HRG: variants seen among roughly 807,000 people sequenced by gnomAD.
HRG encodes histidine-rich glycoprotein.
Under a neutral mutation model 29.5 loss-of-function variants are expected in HRG, and 26 were observed. The ratio of observed to expected loss-of-function variants is 0.88; its 90% CI spans 0.65 to 1.22. The LOEUF (loss-of-function observed/expected upper bound fraction) is 1.22. Among genes scored for constraint, HRG ranks in the 50% most tolerant of loss-of-function variants. The pLI is 0.00. For missense variants in HRG, 671 were observed against 654.5 expected (o/e 1.03, Z -0.28); for synonymous variants, 243 against 240.4 (o/e 1.01, Z -0.10).
chr3:186,676,368 A>C (rs1164328733), intron 6 of HRG, among the ~76,000 whole-genome samples: 4 of 152,012 alleles, frequency 2.6e-5, no homozygotes, highest in African/African-American at 9.7e-5. Flanking sequence ...TGTAGTAAAA[A>C]TGAAAAAAAA....
Position 186,678,210 on chromosome 3 carries a change from C to A in HRG, c.*327C>A, listed in dbSNP as rs1307892492. 5 of 330,924 alleles carry A rather than the reference C, an allele frequency of 1.5e-5. No individual in the cohort carries two copies. The highest frequency in any genetic ancestry group is 2.1e-5 in the African/African-American group (1 of 47,078). The allele number at this position is 330,924 out of a possible 1,614,324, so 20.5% of individuals were successfully genotyped here. A position where few individuals can be genotyped will look rare whatever the true frequency, so the allele number is the denominator to read the frequency against. The stretch of plus-strand genomic sequence containing the variant: ...ACTGCTTGGGCTATACCTGGGCATA[C>A]TAATAAAGTATGGTATTGAAACTAT... On this transcript the variant is annotated 3_prime_UTR_variant, in exon 7 of 7. Transcript: ENST00000232003.
At chr3:186,667,216 C>G (rs570907283) in intron 1 of HRG, 6 of 152,166 alleles carry the variant, frequency 3.9e-5, no homozygotes, top group Non-Finnish European at 8.8e-5. Context: ...ATCTGAGGAC[C>G]TACTATCAAA....
At position 186,677,154 on chromosome 3, in the gene HRG, T is replaced by C. The variant is rs112861431; in HGVS notation, c.849T>C (p.Ser283=). 3.1e-3 allele frequency: 5,034 copies of C among 1,613,988 alleles called. 132 individuals are homozygous for C. In the African/African-American group the frequency reaches 0.059, roughly 19 times the overall value. ...TTKPPFKPHG[S]RDHHHPHKPH... is the part of the protein sequence containing the mutation. ...AGCCTCCATTCAAGCCCCATGGATC[T>C]AGAGATCATCATCATCCCCACAAGC... Residue 283 remains serine (S), a synonymous_variant, in exon 7 of 7, where the codon TCT becomes TCC. Coordinates refer to ENST00000232003, the MANE Select transcript of HRG (RefSeq NM_000412.5).
chr3:186,677,410 C>T lies in HRG; in HGVS notation c.1105C>T (p.His369Tyr). The T allele has an allele frequency of 1.2e-6, 2 of 1,608,724 alleles. No homozygotes were observed. Among genetic ancestry groups the T allele is most frequent in the Non-Finnish European group, 1.7e-6 (2 of 1,177,322 alleles). The change falls in exon 7 of 7, where the codon CAC (histidine) becomes TAC (tyrosine). Residue 369 changes from histidine to tyrosine, a missense_variant. His to Tyr is a moderately conservative substitution (Grantham distance 83). Coordinates refer to ENST00000232003, the MANE Select transcript of HRG (RefSeq NM_000412.5). ...TCCCCACGGACACCATCCCCATGCA[C>T]ACCATCCTCATGAACATGATACCCA... ...QHPHGHHPHA[H>Y]HPHEHDTHRQ...
intron 2 of HRG, 69 bp downstream of exon 2, chr3:186,669,120 C>T (rs773800390): frequency 8.9e-6 from 8 of 902,282 alleles, no homozygotes; most frequent in Non-Finnish European, 1.5e-5. Flanking sequence ...TTCACTCAGC[C>T]AATGCCTGGG....
intron 5 of HRG, 35 bp downstream of exon 5, chr3:186,672,902 A>C: frequency 7.5e-7 from 1 of 1,332,464 alleles, no homozygotes. Context: ...CGTTGACTAG[A>C]GTCACAGAGA....
In HRG at chr3:186,677,603, C is replaced by A; in HGVS notation, c.1298C>A (p.Pro433Gln). ...GGTCACTGTTGCCATGGCCACGGCC[C>A]ACCACCTGGGCACTTAAGAAGGCGA... ...NQGHCCHGHG[P>Q]PPGHLRRRGP... The change falls in exon 7 of 7, where the codon CCA becomes CAA. Residue 433 changes from proline to glutamine, a missense_variant. Transcript: ENST00000232003. 1 of 1,614,164 alleles carries A rather than the reference C, an allele frequency of 6.2e-7. No homozygotes were observed. The highest frequency in any genetic ancestry group is 1.1e-5 in the South Asian group (1 of 91,074).
At chr3:186,671,264 ATATAT>A (rs201145740) in intron 3 of HRG, among the ~76,000 whole-genome samples, 9,688 of 147,552 alleles carry the variant, frequency 0.066, 380 homozygotes, top group Middle Eastern at 0.12. Context: ...AAAACATATG[ATATAT>A]TATATAATAT....
At chr3:186,674,625 C>T (rs1009377673) in intron 5 of HRG, 4 of 245,596 alleles carry the variant, frequency 1.6e-5, no homozygotes, top group Non-Finnish European at 2.4e-5. Context: ...AGACACTTGC[C>T]TTGACAATGT....
Position 186,677,768 on chromosome 3 carries a change from C to T in HRG, c.1463C>T (p.Pro488Leu). ...TTCCCATTGCCGCACCACAAACATC[C>T]TCTAAAGCCAGACAATCAGCCCTTT... ...PSFPLPHHKH[P>L]LKPDNQPFPQ... Residue 488 changes from proline (P) to leucine (L), a missense_variant, in exon 7 of 7, where the codon CCT becomes CTT. Physicochemically the swap from Pro to Leu is moderately conservative, Grantham distance 98. Transcript: ENST00000232003. 6.2e-7 allele frequency: 1 copy of T among 1,613,704 alleles called. No individual in the cohort carries two copies. Among genetic ancestry groups the T allele is most frequent in the Non-Finnish European group, 8.5e-7 (1 of 1,179,614 alleles).
Position 186,675,151 on chromosome 3 carries a change from GA to G in HRG, c.707del (p.Asn236ThrfsTer4). 6.2e-7 allele frequency: 1 copy of G among 1,613,902 alleles called. No homozygotes were observed. The highest frequency in any genetic ancestry group is 8.5e-7 in the Non-Finnish European group (1 of 1,179,820). On this transcript the variant is annotated frameshift_variant, in exon 6 of 7. Coordinates refer to ENST00000232003, the MANE Select transcript of HRG (RefSeq NM_000412.5). LOFTEE classifies it low-confidence loss of function (END_TRUNC). Reference protein sequence around the residue: ...DVEALDLESPKNLVINCEVFD... With the variant: ...DVEALDLESPXNLVINCEVFD... ...TAGAAGCCTTGGACTTGGAAAGCCC[GA>G]AAAACCTTGTCATAAACTGTGAAGT...
chr3:186,667,986 G>T (rs1718665773), intron 1 of HRG, among the ~76,000 whole-genome samples: 1 of 152,176 alleles, frequency 6.6e-6, no homozygotes, highest in Non-Finnish European at 1.5e-5. Context: ...GCCAGACAAG[G>T]AGTACTACAG....
Position 186,671,679 on chromosome 3 carries a change from G to C in HRG, c.448G>C (p.Asp150His). 1 of 1,614,032 alleles carries C rather than the reference G, an allele frequency of 6.2e-7. No individual in the cohort carries two copies. Among genetic ancestry groups the C allele is most frequent in the Non-Finnish European group, 8.5e-7 (1 of 1,179,930 alleles). Residue 150 changes from aspartate to histidine, a missense_variant, in exon 4 of 7, where the codon GAT (aspartate) becomes CAT (histidine). Coordinates refer to ENST00000232003, the MANE Select transcript of HRG (RefSeq NM_000412.5). Reference sequence around the variant, plus strand: ...TCCGGTCCTCATAGATTTCTTTGAGGATACTGAGCGCTACAGAAAACAAGC... The same window carrying C: ...TCCGGTCCTCATAGATTTCTTTGAGCATACTGAGCGCTACAGAAAACAAGC... ...DSPVLIDFFE[D>H]TERYRKQANK...
intron 6 of HRG, 108 bp downstream of exon 6, chr3:186,675,298 T>TGAGAGACAGAGA: frequency 1.6e-6 from 1 of 613,536 alleles, no homozygotes; most frequent in African/African-American, 2.2e-5. Context: ...TGTGTGTGTG[T>TGAGAGACAGAGA]GTGTGTGTGT....
At chr3:186,672,157 C>T (rs1292849055) in intron 4 of HRG, among the ~76,000 whole-genome samples, 1 of 152,070 alleles carries the variant, frequency 6.6e-6, no homozygotes, top group African/African-American at 2.4e-5. Context: ...CTCACCACAC[C>T]CAGTAATGTG....
At chr3:186,666,944 A>C (rs1415871349) in intron 1 of HRG, 1 of 152,180 alleles carries the variant, frequency 6.6e-6, no homozygotes, top group Non-Finnish European at 1.5e-5. Context: ...GAAAACATAC[A>C]AATTTATTTA....
Position 186,672,699 on chromosome 3 carries a change from T to TA in HRG, c.559-82dup. 3.5e-6 allele frequency: 3 copies of TA among 847,612 alleles called. No homozygotes were observed. The Admixed American group carries it at 5.7e-5, about 16-fold the overall frequency. The allele number at this position is 847,612 out of a possible 1,614,324, so 52.5% of individuals were successfully genotyped here. A position where few individuals can be genotyped will look rare whatever the true frequency, so the allele number is the denominator to read the frequency against. On this transcript the variant is annotated intron_variant, in intron 4 of 6. Coordinates refer to ENST00000232003, the MANE Select transcript of HRG (RefSeq NM_000412.5). ...GTGATTTTGAATTCTCATACTGCCTTAAAAAATATTGAATGGTAGTTATCT... is the reference window on the plus strand; with the variant it reads ...GTGATTTTGAATTCTCATACTGCCTTAAAAAAATATTGAATGGTAGTTATCT...
rs181208139 is a variant in HRG at position 186,670,142 on chromosome 3, T to C, written c.391+114T>C. 18 of 723,852 alleles carry C rather than the reference T, an allele frequency of 2.5e-5. No homozygotes were observed. The African/African-American group carries it at 2.8e-4, about 11-fold the overall frequency. 44.8% of individuals were successfully genotyped at this position (723,852 alleles called of 1,614,324 possible). A position where few individuals can be genotyped will look rare whatever the true frequency, so the allele number is the denominator to read the frequency against. On this transcript the variant is annotated intron_variant, in intron 3 of 6. Transcript: ENST00000232003. The stretch of plus-strand genomic sequence containing the variant: ...ATTCATATATATTCAGATGTATTCA[T>C]GTATATCTATGATGTACATGAAAGA...
chr3:186,677,311 G>A lies in HRG; in HGVS notation c.1006G>A (p.Gly336Arg). Reference sequence around the variant, plus strand: ...TCAACATGCCACTTTTGGCACAAATGGGGCCCAAAGACATTCTCATAATAA... The same window carrying A: ...TCAACATGCCACTTTTGGCACAAATAGGGCCCAAAGACATTCTCATAATAA... Reference protein sequence around the residue: ...SCQHATFGTNGAQRHSHNNNS... With the variant: ...SCQHATFGTNRAQRHSHNNNS... The change falls in exon 7 of 7, where the codon GGG becomes AGG. Residue 336 changes from glycine (G) to arginine (R), a missense_variant. Gly to Arg is a moderately radical substitution (Grantham distance 125, BLOSUM62 -2). Transcript: ENST00000232003. 1 of 1,614,006 alleles carries A rather than the reference G, an allele frequency of 6.2e-7. No homozygotes were observed. Among genetic ancestry groups the A allele is most frequent in the Non-Finnish European group, 8.5e-7 (1 of 1,180,022 alleles).
Sources: allele counts gnomAD v4.1 joint callset (sites outside exome capture counted in the v4.1 genomes callset), GRCh38; gene constraint gnomAD v4.1.1; transcripts MANE v1.5; gene names NCBI Gene and HGNC (gene_info 2026-07-23, HGNC 2026-07-21).